Variants in PZP observed in about 807,000 individuals in gnomAD.
The protein encoded by PZP is pregnancy zone protein.
A neutral mutation model predicts 179.8 loss-of-function variants in PZP; 150 were observed. The observed-to-expected ratio is 0.83, with a 90% CI of 0.73 to 0.96. The LOEUF (loss-of-function observed/expected upper bound fraction) is 0.96, where lower values mean the gene tolerates loss of function less well. PZP is among the 40% of genes least tolerant of loss of function. The pLI, the probability that PZP is intolerant of heterozygous loss-of-function variation, is 0.00. For missense variants in PZP, 1,689 were observed against 1,764.0 expected (o/e 0.96, Z 0.76); for synonymous variants, 624 against 652.3 (o/e 0.96, Z 0.66).
rs780356142 is a variant in PZP at position 9,165,178 on chromosome 12, G to C, written c.2448C>G (p.Leu816=). Residue 816 remains leucine (L), a synonymous_variant, in exon 19 of 36, where the codon CTC becomes CTG. Coordinates refer to ENST00000261336, the MANE Select transcript of PZP (RefSeq NM_002864.3). ...YSVIRGEVFT[L]KATVLNYLPK... ...GAAGGTAGTTTAGGACCGTGGCCTT[G>C]AGTGTGAAGACCTCTCCACGAATCA... The C allele has an allele frequency of 6.2e-7, 1 of 1,614,130 alleles. No homozygotes were observed. Among genetic ancestry groups the C allele is most frequent in the South Asian group, 1.1e-5 (1 of 91,076 alleles).
At chr12:9,162,805 T>A (rs574204907) in intron 21 of PZP, among the ~76,000 whole-genome samples, 157 bp from the exon 22 acceptor site, 2 of 152,338 alleles carry the variant, frequency 1.3e-5, no homozygotes, top group South Asian at 2.1e-4. Context: ...AGGGGACATG[T>A]GCAGGAGGTG....
Position 9,153,124 on chromosome 12 carries a change from C to G in PZP, c.3993+1G>C, listed in dbSNP as rs765566678. On this transcript the variant is annotated splice_donor_variant, in intron 30 of 35. Transcript: ENST00000261336. LOFTEE classifies it high-confidence loss of function. ...TCACCCATATAAGCTTGGAGCCCTACCTGAAGATACACACATCTTTCCCCA... is the reference window on the plus strand; with the variant it reads ...TCACCCATATAAGCTTGGAGCCCTAGCTGAAGATACACACATCTTTCCCCA... 135 of 1,613,728 alleles carry G rather than the reference C, an allele frequency of 8.4e-5. No individual in the cohort carries two copies. Among genetic ancestry groups the G allele is most frequent in the Non-Finnish European group, 1.1e-4 (128 of 1,179,778 alleles).
chr12:9,163,926 C>T (rs978022442), intron 20 of PZP, 137 bp from the exon 21 acceptor site: 1 of 1,277,850 alleles, frequency 7.8e-7, no homozygotes, highest in Non-Finnish European at 1.1e-6. Context: ...TTAATGTATA[C>T]TAAGTAGCCA....
chr12:9,161,339 A>G (rs1460488355), intron 22 of PZP, among the ~76,000 whole-genome samples: 1 of 152,228 alleles, frequency 6.6e-6, no homozygotes, highest in Non-Finnish European at 1.5e-5. Context: ...AGCAATTGTT[A>G]TTATTGCAGT....
At chr12:9,182,162 A>AAATGGTCATAAGTGAGACAC in intron 13 of PZP, 45 bp from the exon 14 acceptor site, 2 of 1,545,258 alleles carry the variant, frequency 1.3e-6, no homozygotes, top group Non-Finnish European at 8.8e-7. Context: ...AAGTGAGACA[A>AAATGGTCATAAGTGAGACAC]AAAGGTCATA....
chr12:9,207,019 G>A (rs1944469246), intron 1 of PZP, among the ~76,000 whole-genome samples: 1 of 152,096 alleles, frequency 6.6e-6, no homozygotes. Context: ...AGGGATAGTG[G>A]GGGAGAAATG....
intron 2 of PZP, among the ~76,000 whole-genome samples, 185 bp from the exon 3 acceptor site, chr12:9,202,869 C>A (rs1431352052): frequency 1.3e-5 from 2 of 152,062 alleles, no homozygotes; most frequent in Non-Finnish European, 1.5e-5. Context: ...GTAAGAGTGG[C>A]CATCAATAGA....
At chr12:9,146,920 C>CTTTT (rs386375558), downstream of PZP, among the ~76,000 whole-genome samples, 4 of 151,570 alleles carry the variant, frequency 2.6e-5, no homozygotes, top group Non-Finnish European at 5.9e-5. Flanking sequence ...AAGATCAACT[C>CTTTT]TTTTCCCAGG....
At chr12:9,176,169 G>A (rs1942351553) in intron 15 of PZP, among the ~76,000 whole-genome samples, 1 of 152,190 alleles carries the variant, frequency 6.6e-6, no homozygotes, top group Non-Finnish European at 1.5e-5. Context: ...GACATGGATA[G>A]AGCTGAAAGC....
Position 9,186,054 on chromosome 12 carries a change from C to T in PZP, c.1547-3937G>A, listed in dbSNP as rs752872153. On this transcript the variant is annotated intron_variant, in intron 13 of 35. Transcript: ENST00000261336. The stretch of plus-strand genomic sequence containing the variant: ...ATCTCCTGACTTCATGATCTGACCA[C>T]CTTGACCCCCCAAAGTGCTGGGATT... 5.3e-5 allele frequency among the ~76,000 whole-genome samples: 8 copies of T among 152,150 alleles called. No homozygotes were observed. The South Asian group carries it at 1.5e-3, about 28-fold the overall frequency.
Position 9,157,368 on chromosome 12 carries a change from A to C in PZP, c.3370-13T>G. 1 of 1,604,920 alleles carries C rather than the reference A, an allele frequency of 6.2e-7. No individual in the cohort carries two copies. Among genetic ancestry groups the C allele is most frequent in the Non-Finnish European group, 8.5e-7 (1 of 1,174,570 alleles). ...GAACAATAGGGTTCTGTAAAGGCAA[A>C]ATGTGGTTGTGTCAAACTAGGGTGA... On this transcript the variant is annotated splice_polypyrimidine_tract_variant and intron_variant, in intron 27 of 35. Transcript: ENST00000261336.
chr12:9,200,424 A>G lies in PZP; in HGVS notation c.695T>C (p.Val232Ala). The G allele has an allele frequency of 3.1e-6, 5 of 1,611,148 alleles. No homozygotes were observed. The highest frequency in any genetic ancestry group is 2.2e-5 in the East Asian group (1 of 44,812). The change falls in exon 7 of 36, where the codon GTT (valine) becomes GCT (alanine). Residue 232 changes from valine (V) to alanine (A), a missense_variant. Val to Ala is a moderately conservative substitution (Grantham distance 64). Coordinates refer to ENST00000261336, the MANE Select transcript of PZP (RefSeq NM_002864.3). ...EFVLPKFEVKVQVPKIISIMD... is the reference protein window; with the variant it reads ...EFVLPKFEVKAQVPKIISIMD... Reference sequence around the variant, plus strand: ...GATACTGATTATCTTTGGCACCTGAACTTTGACCTCAAACTTGGGAAGCAC... The same window carrying G: ...GATACTGATTATCTTTGGCACCTGAGCTTTGACCTCAAACTTGGGAAGCAC...
chr12:9,202,168 T>C (rs1944199213), intron 4 of PZP, 151 bp downstream of exon 4: 2 of 677,350 alleles, frequency 3.0e-6, no homozygotes, highest in African/African-American at 1.8e-5. Flanking sequence ...AATTTTTGTT[T>C]TGTATAAGAC....
chr12:9,170,990 C>T lies in PZP; in HGVS notation c.1840-1399G>A, dbSNP rs1480123845. The stretch of plus-strand genomic sequence containing the variant: ...CACCCAATGCAGCCCACCTGCTCTA[C>T]CAAAAAGCAGCCAGGCTGCTTCTTT... On this transcript the variant is annotated intron_variant, in intron 15 of 35. Transcript: ENST00000261336. This position sits in a 1 kb window ranked among gnomAD's most constrained non-coding sequence, Gnocchi z 4.6. Among the ~76,000 whole-genome samples, 1 of 152,204 alleles carries T rather than the reference C, an allele frequency of 6.6e-6. No homozygotes were observed. The highest frequency in any genetic ancestry group is 1.9e-4 in the East Asian group (1 of 5,200).
At chr12:9,138,933 A>C in the PZP span, among the ~76,000 whole-genome samples, 27 of 147,902 alleles carry the variant, frequency 1.8e-4, no homozygotes, top group Non-Finnish European at 1.5e-5. Context: ...TGTTTTATTT[A>C]TTTCTTCTCT....
At position 9,180,981 on chromosome 12, in the gene PZP, A is replaced by G; in HGVS notation, c.1839+2T>C. On this transcript the variant is annotated splice_donor_variant, in intron 15 of 35. Coordinates refer to ENST00000261336, the MANE Select transcript of PZP (RefSeq NM_002864.3). LOFTEE classifies it high-confidence loss of function. ...TGGTCCCCAAGGCCACTGGAAACTC[A>G]CTGAGGACACAGAGAGCTCAGCCTC... 2 of 1,612,188 alleles carry G rather than the reference A, an allele frequency of 1.2e-6. No individual in the cohort carries two copies. Among genetic ancestry groups the G allele is most frequent in the Non-Finnish European group, 1.7e-6 (2 of 1,179,346 alleles).
At chr12:9,169,031 T>C (rs1941793245) in intron 16 of PZP, 57 bp from the exon 17 acceptor site, 2 of 1,293,450 alleles carry the variant, frequency 1.5e-6, no homozygotes, top group East Asian at 4.6e-5. Context: ...ATATAAAACA[T>C]ATTATCCTTA....
rs1941497222 is a variant in PZP at position 9,165,215 on chromosome 12, A to G, written c.2411T>C (p.Met804Thr). 1.2e-6 allele frequency: 2 copies of G among 1,614,084 alleles called. No homozygotes were observed. The highest frequency in any genetic ancestry group is 1.7e-6 in the Non-Finnish European group (2 of 1,180,038). ...CTCTCCACGAATCACAGAGTAAGGC[A>G]TTGTGAGCTCCACAAAGAAGGGCTG... ...AFQPFFVELT[M>T]PYSVIRGEVF... Residue 804 changes from methionine (M) to threonine (T), a missense_variant, in exon 19 of 36, where the codon ATG becomes ACG. Met to Thr is a moderately conservative substitution (Grantham distance 81). This residue lies in a region of PZP where 201 missense variants were observed against 284.2 expected (regional missense o/e 0.71). Coordinates refer to ENST00000261336, the MANE Select transcript of PZP (RefSeq NM_002864.3).
intron 7 of PZP, among the ~76,000 whole-genome samples, chr12:9,199,778 A>T (rs1024484531): frequency 3.3e-5 from 5 of 152,110 alleles, no homozygotes; most frequent in African/African-American, 1.2e-4. Context: ...AACCTGGCAA[A>T]TTTTACAATT....
Sources: allele counts gnomAD v4.1 joint callset (sites outside exome capture counted in the v4.1 genomes callset), GRCh38; gene constraint gnomAD v4.1.1; regional missense constraint gnomAD v4.1.1; non-coding constraint Gnocchi (gnomAD v3.1); transcripts MANE v1.5; gene names NCBI Gene and HGNC (gene_info 2026-07-23, HGNC 2026-07-21).